BTBD9: variants seen among roughly 807,000 people sequenced by gnomAD.
The protein encoded by BTBD9 is BTB/POZ domain-containing protein 9.
A neutral mutation model predicts 64.3 loss-of-function variants in BTBD9; 49 were observed. The ratio of observed to expected loss-of-function variants is 0.76; its 90% CI spans 0.61 to 0.97. The LOEUF (loss-of-function observed/expected upper bound fraction) is 0.97. Among genes scored for constraint, BTBD9 ranks in the 50% least tolerant of loss-of-function variants. The pLI is 0.00. For synonymous variants in BTBD9, 260 were observed against 274.7 expected (o/e 0.95, Z 0.53); for missense variants, 598 against 762.1 (o/e 0.78, Z 2.53).
chr6:38,366,761 A>G (rs1765199171), intron 6 of BTBD9, among the ~76,000 whole-genome samples: 3 of 152,232 alleles, frequency 2.0e-5, no homozygotes, highest in African/African-American at 7.2e-5. Flanking sequence ...TTGGAAGAAT[A>G]AGAAAGGGAA....
intron 6 of BTBD9, among the ~76,000 whole-genome samples, chr6:38,514,782 C>CT (rs1457005656): frequency 1.3e-5 from 2 of 151,116 alleles, no homozygotes; most frequent in Non-Finnish European, 2.9e-5. Context: ...CCTTAAATGT[C>CT]TGACTTCACC....
chr6:38,594,453 A>G, intron 2 of BTBD9, 126 bp from the exon 3 acceptor site: 1 of 1,180,168 alleles, frequency 8.5e-7, no homozygotes, highest in Non-Finnish European at 1.1e-6. Flanking sequence ...TCCAAGTGAA[A>G]AAATGCAAAG....
At chr6:38,495,952 T>G (rs1305071128) in intron 6 of BTBD9, among the ~76,000 whole-genome samples, 3 of 152,226 alleles carry the variant, frequency 2.0e-5, no homozygotes, top group African/African-American at 7.2e-5. Context: ...GGGAGTCATA[T>G]CAGAATCCTT....
At chr6:38,553,407 C>A (rs1257295425) in intron 6 of BTBD9, among the ~76,000 whole-genome samples, 1 of 152,180 alleles carries the variant, frequency 6.6e-6, no homozygotes, top group East Asian at 1.9e-4. Context: ...AGATCCAACA[C>A]AAAGCTGTCA....
rs1205881921 is a variant in BTBD9 at position 38,314,997 on chromosome 6, C to T, written c.1265-26536G>A. 2.6e-5 allele frequency among the ~76,000 whole-genome samples: 4 copies of T among 152,088 alleles called. No homozygotes were observed. The East Asian group carries it at 5.8e-4, about 22-fold the overall frequency. ...CCAAGTATCTGGGACTACAGGCGCCCGCCACCACATCTGGCTAATTTTTTG... is the reference window on the plus strand; with the variant it reads ...CCAAGTATCTGGGACTACAGGCGCCTGCCACCACATCTGGCTAATTTTTTG... On this transcript the variant is annotated intron_variant, in intron 7 of 10. Transcript: ENST00000481247.
chr6:38,274,269 G>A (rs1765297895), intron 8 of BTBD9, among the ~76,000 whole-genome samples: 1 of 152,168 alleles, frequency 6.6e-6, no homozygotes, highest in South Asian at 2.1e-4. Flanking sequence ...TCAGCTTAAG[G>A]AGATTTTGGG....
chr6:38,422,237 T>C (rs1158230880), intron 6 of BTBD9, among the ~76,000 whole-genome samples: 1 of 152,134 alleles, frequency 6.6e-6, no homozygotes, highest in East Asian at 1.9e-4. Flanking sequence ...ATAGAACCAA[T>C]ATATACAAAA....
intron 1 of BTBD9, among the ~76,000 whole-genome samples, chr6:38,628,977 G>A (rs112491772): frequency 5.3e-5 from 8 of 151,902 alleles, no homozygotes; most frequent in African/African-American, 1.7e-4. Flanking sequence ...GGACATGATA[G>A]ACAGACACAG....
intron 6 of BTBD9, among the ~76,000 whole-genome samples, chr6:38,507,896 C>T (rs969644419): frequency 2.0e-5 from 3 of 147,628 alleles, no homozygotes; most frequent in Middle Eastern, 3.6e-3. Context: ...TGCAGTGGCG[C>T]GATCTCGGCT....
intron 6 of BTBD9, among the ~76,000 whole-genome samples, chr6:38,429,829 GA>G (rs1290363757): frequency 3.9e-5 from 6 of 152,052 alleles, no homozygotes; most frequent in Admixed American, 3.9e-4. Context: ...CCTTTTGGGG[GA>G]AAAACAATCA....
chr6:38,256,104 C>T (rs1195225235), intron 9 of BTBD9, among the ~76,000 whole-genome samples: 4 of 149,756 alleles, frequency 2.7e-5, no homozygotes, highest in South Asian at 4.2e-4. Context: ...GTGGGCATGG[C>T]GGGGTGGGGG....
At chr6:38,426,730 T>A (rs575897886) in intron 6 of BTBD9, among the ~76,000 whole-genome samples, 29 of 151,900 alleles carry the variant, frequency 1.9e-4, no homozygotes, top group Non-Finnish European at 3.2e-4. Context: ...TCCACGGTTC[T>A]CTTCCGTGAC....
chr6:38,534,158 T>C (rs905389155), intron 6 of BTBD9, among the ~76,000 whole-genome samples: 7 of 150,798 alleles, frequency 4.6e-5, no homozygotes, highest in African/African-American at 1.7e-4. Context: ...AGAGAGAAGA[T>C]AAAAAAAATC....
At chr6:38,552,947 A>C (rs545250894) in intron 6 of BTBD9, among the ~76,000 whole-genome samples, 13 of 152,308 alleles carry the variant, frequency 8.5e-5, no homozygotes, top group Middle Eastern at 6.8e-3. Flanking sequence ...AGTACCTTAC[A>C]TCAAATGGCA....
At chr6:38,266,596 GGAAAGAAAGGAAAGAAAGAAAGAAAGAAA>G (rs1388233029) in intron 8 of BTBD9, among the ~76,000 whole-genome samples, 49 of 91,638 alleles carry the variant, frequency 5.3e-4, no homozygotes, top group East Asian at 1.4e-3. Context: ...AGGAAAGAAA[GGAAAGAAAGGAAAGAAAGAAAGAAAGAAA>G]GAAAGAAAGA....
At chr6:38,176,822 G>A (rs554835242) in intron 10 of BTBD9, among the ~76,000 whole-genome samples, 1 of 152,242 alleles carries the variant, frequency 6.6e-6, no homozygotes, top group East Asian at 1.9e-4. Context: ...ACACCGCCCT[G>A]GGCATGTCGG....
intron 6 of BTBD9, among the ~76,000 whole-genome samples, chr6:38,437,297 A>C (rs777812227): frequency 2.2e-4 from 33 of 152,190 alleles, no homozygotes; most frequent in Admixed American, 3.3e-4. Context: ...GTAACTCCTG[A>C]CAATAGAGAA....
At chr6:38,314,704 A>G (rs1762970524) in intron 7 of BTBD9, among the ~76,000 whole-genome samples, 1 of 152,018 alleles carries the variant, frequency 6.6e-6, no homozygotes, top group African/African-American at 2.4e-5. Context: ...TTCATGGTTC[A>G]GTCTTGGTAA....
At chr6:38,427,825 G>A (rs760639204) in intron 6 of BTBD9, among the ~76,000 whole-genome samples, 5 of 151,862 alleles carry the variant, frequency 3.3e-5, no homozygotes, top group African/African-American at 7.3e-5. Context: ...GCACAATAAC[G>A]ATGAGGTATG....
Sources: gnomAD v4.1 joint callset for allele counts (sites outside exome capture counted in the v4.1 genomes callset) on GRCh38, gnomAD v4.1.1 for gene constraint, MANE v1.5 for transcripts, NCBI Gene and HGNC (gene_info 2026-07-23, HGNC 2026-07-21) for gene names.